Variants in SCML4 observed in about 807,000 individuals in gnomAD.
The protein encoded by SCML4 is sex comb on midleg-like protein 4.
In SCML4, 34 loss-of-function variants were observed where a neutral mutation model predicts 41.1. The ratio of observed to expected loss-of-function variants is 0.83; its 90% CI spans 0.63 to 1.10. The LOEUF is 1.10. Among genes scored for constraint, SCML4 ranks in the 50% least tolerant of loss-of-function variants. The pLI is 0.00. For missense variants in SCML4, 522 were observed against 534.1 expected, an observed-to-expected ratio of 0.98 and a Z score of 0.22; for synonymous variants, 214 against 220.9, an observed-to-expected ratio of 0.97 and a Z score of 0.28.
rs1231326377 is a variant in SCML4, at chr6:107,746,381, G to A, written c.487+308C>T. The A allele has an allele frequency of 1.2e-5, 4 of 332,952 alleles. No individual in the cohort carries two copies. The East Asian group carries it at 1.6e-4, about 13-fold the overall frequency. The allele number at this position is 332,952 out of a possible 1,614,324, so 20.6% of individuals were successfully genotyped here. ...CTCCGGGTATATTTTGAAGTGGAGC[G>A]AAAGGATTCTGGATATATTTTGAAG... On this transcript the variant is annotated intron_variant, in intron 4 of 7. Coordinates refer to ENST00000369020, the MANE Select transcript of SCML4 (RefSeq NM_198081.5).
upstream of SCML4, among the ~76,000 whole-genome samples, chr6:107,824,953 G>A (rs1327918678): frequency 1.3e-5 from 2 of 152,108 alleles, no homozygotes; most frequent in African/African-American, 4.8e-5. Context: ...CACAACATAT[G>A]TGTACAGTTC....
At chr6:107,765,293 G>C (rs978751739) in intron 2 of SCML4, among the ~76,000 whole-genome samples, 3 of 152,168 alleles carry the variant, frequency 2.0e-5, no homozygotes, top group African/African-American at 7.2e-5. Context: ...GGACCATCCG[G>C]GTACAGGCAT....
intron 5 of SCML4, among the ~76,000 whole-genome samples, chr6:107,728,398 G>C (rs992425169): frequency 2.6e-5 from 4 of 152,106 alleles, no homozygotes; most frequent in African/African-American, 9.7e-5. Flanking sequence ...ATCACCTGAG[G>C]TTGGGAGTTC....
chr6:107,803,312 G>A (rs552293797), intron 1 of SCML4, among the ~76,000 whole-genome samples: 13 of 150,554 alleles, frequency 8.6e-5, no homozygotes, highest in South Asian at 2.1e-4. Context: ...CCCTCCGCCC[G>A]GCAGCCACTT....
rs138959832 is a variant in SCML4, at chr6:107,737,435, C to A, written c.682+7514G>T. ...GGATTTATACAAGTGCCACCTCGAT[C>A]CAACCACTCTGCCCTTCATGCCCTT... On this transcript the variant is annotated intron_variant, in intron 5 of 7. Transcript: ENST00000369020. 2.4e-3 allele frequency among the ~76,000 whole-genome samples: 372 copies of A among 152,272 alleles called. 2 individuals are homozygous for A. The highest frequency in any genetic ancestry group is 4.3e-3 in the Non-Finnish European group (291 of 68,024).
intron 2 of SCML4, among the ~76,000 whole-genome samples, chr6:107,766,953 T>C (rs1248891330): frequency 0.013 from 1,038 of 80,968 alleles, 8 homozygotes; most frequent in African/African-American, 0.034. Context: ...TAAGCTATTT[T>C]TTTTTTTTTT....
At chr6:107,725,273 T>C (rs546797455) in intron 5 of SCML4, among the ~76,000 whole-genome samples, 16 of 152,270 alleles carry the variant, frequency 1.1e-4, no homozygotes, top group African/African-American at 3.9e-4. Flanking sequence ...ACAAATTATA[T>C]GAATGTAACA....
chr6:107,826,969 A>G (rs1206910286), upstream of SCML4, among the ~76,000 whole-genome samples: 2 of 152,136 alleles, frequency 1.3e-5, no homozygotes, highest in East Asian at 3.9e-4. Context: ...AGGCTGAGGC[A>G]GGAGAATGGT....
chr6:107,719,897 C>T, intron 6 of SCML4: 1 of 985,384 alleles, frequency 1.0e-6, no homozygotes, highest in South Asian at 4.7e-5. Context: ...TATCAAAATA[C>T]TGAAGCTTGA....
intron 2 of SCML4, among the ~76,000 whole-genome samples, chr6:107,765,816 ATATT>A (rs1227772880): frequency 1.3e-5 from 2 of 152,232 alleles, no homozygotes; most frequent in Non-Finnish European, 2.9e-5. Context: ...CATGAAGGGA[ATATT>A]TACACCTTAG....
intron 6 of SCML4, among the ~76,000 whole-genome samples, chr6:107,708,940 G>A (rs974799349): frequency 1.3e-5 from 2 of 152,060 alleles, no homozygotes; most frequent in African/African-American, 4.8e-5. Context: ...CCCCATTTTA[G>A]GAACCTACCT....
intron 7 of SCML4, among the ~76,000 whole-genome samples, chr6:107,706,692 G>A (rs1288041470): frequency 6.6e-6 from 1 of 152,190 alleles, no homozygotes; most frequent in Non-Finnish European, 1.5e-5. Flanking sequence ...ATGGGGCCAG[G>A]TGGGTGGGGG....
At chr6:107,820,184 G>A (rs980487666) in intron 1 of SCML4, among the ~76,000 whole-genome samples, 2 of 152,188 alleles carry the variant, frequency 1.3e-5, no homozygotes, top group African/African-American at 4.8e-5. Context: ...CCCTGGCCAC[G>A]TCTCTTGGCT....
Position 107,708,030 on chromosome 6 carries a change from G to A in SCML4, c.974-19C>T. On this transcript the variant is annotated intron_variant, in intron 6 of 7. Coordinates refer to ENST00000369020, the MANE Select transcript of SCML4 (RefSeq NM_198081.5). ...CTTGAGGCTGGATGGGGCACAGAGA[G>A]GGAGACCATGAGCCAGTGGGACAGG... is the stretch of plus-strand genomic sequence containing the variant. 4 of 1,548,480 alleles carry A rather than the reference G, an allele frequency of 2.6e-6. No individual in the cohort carries two copies. The highest frequency in any genetic ancestry group is 3.5e-6 in the Non-Finnish European group (4 of 1,146,894).
chr6:107,741,302 C>A (rs984446152), intron 5 of SCML4, among the ~76,000 whole-genome samples: 2 of 152,150 alleles, frequency 1.3e-5, no homozygotes, highest in Admixed American at 6.5e-5. Context: ...CAAGTCCCTC[C>A]CTCCATCTGC....
intron 2 of SCML4, among the ~76,000 whole-genome samples, chr6:107,765,632 CCAAACAAA>C: frequency 6.6e-6 from 1 of 151,800 alleles, no homozygotes; most frequent in Middle Eastern, 3.4e-3. Flanking sequence ...CTTAGTGAAA[CCAAACAAA>C]CAAACAAATA....
intron 2 of SCML4, among the ~76,000 whole-genome samples, chr6:107,757,290 T>C (rs9373970): frequency 0.15 from 22,313 of 152,124 alleles, 1,946 homozygotes; most frequent in Middle Eastern, 0.21. Context: ...AGATGTGCGG[T>C]CAAGAGCACA....
At chr6:107,729,102 T>A (rs1219295561) in intron 5 of SCML4, among the ~76,000 whole-genome samples, 2 of 152,220 alleles carry the variant, frequency 1.3e-5, no homozygotes, top group Non-Finnish European at 2.9e-5. Context: ...TTAAATGCTT[T>A]CCACTGGCGG....
intron 5 of SCML4, among the ~76,000 whole-genome samples, chr6:107,726,739 C>T (rs1014134526): frequency 6.6e-6 from 1 of 152,050 alleles, no homozygotes; most frequent in Non-Finnish European, 1.5e-5. Context: ...AGGTGATAAT[C>T]AAAGAGTCAG....
Sources: gnomAD v4.1 joint callset for allele counts (sites outside exome capture counted in the v4.1 genomes callset) on GRCh38, gnomAD v4.1.1 for gene constraint, MANE v1.5 for transcripts, NCBI Gene and HGNC (gene_info 2026-07-23, HGNC 2026-07-21) for gene names.